Variants in CFH observed in about 807,000 individuals in gnomAD.
CFH encodes the protein H factor 1 (complement).
Under a neutral mutation model 147.3 loss-of-function variants are expected in CFH, and 53 were observed. The ratio of observed to expected loss-of-function variants is 0.36; its 90% CI spans 0.29 to 0.45. The LOEUF is 0.45. Among genes scored for constraint, CFH ranks in the 20% least tolerant of loss-of-function variants. The probability of loss-of-function intolerance (pLI) is 1.00; values close to 1 mark genes in which losing one functional copy is unlikely to be tolerated. For synonymous variants in CFH, 536 were observed against 489.4 expected (o/e 1.10, Z -1.26); for missense variants, 1,380 against 1,498.0 (o/e 0.92, Z 1.30).
At chr1:196,717,951 G>C (rs1668911282) in intron 11 of CFH, among the ~76,000 whole-genome samples, 2 of 152,104 alleles carry the variant, frequency 1.3e-5, no homozygotes, top group African/African-American at 2.4e-5. Flanking sequence ...GATGGATTCT[G>C]TTTTGAAGTA....
intron 9 of CFH, among the ~76,000 whole-genome samples, chr1:196,704,156 CAACCTCTGGCTCACTGA>C (rs1285692793): frequency 1.3e-5 from 2 of 151,974 alleles, no homozygotes; most frequent in Non-Finnish European, 2.9e-5. Flanking sequence ...TGGCTCACTG[CAACCTCTGGCTCACTGA>C]AACCTCCACC....
chr1:196,691,202 A>G (rs1157504624), intron 9 of CFH, among the ~76,000 whole-genome samples: 1 of 152,132 alleles, frequency 6.6e-6, no homozygotes, highest in Non-Finnish European at 1.5e-5. Context: ...AAATAATTAT[A>G]CAATTATAGT....
At chr1:196,671,516 C>A (rs1293854587) in intron 1 of CFH, among the ~76,000 whole-genome samples, 1 of 151,228 alleles carries the variant, frequency 6.6e-6, no homozygotes, top group Non-Finnish European at 1.5e-5. Context: ...GGTTTCTAGT[C>A]TCAAAGATTA....
At chr1:196,653,165 T>C (rs1414793297) in intron 1 of CFH, among the ~76,000 whole-genome samples, 1 of 151,776 alleles carries the variant, frequency 6.6e-6, no homozygotes, top group Non-Finnish European at 1.5e-5. Context: ...GCAGATATAT[T>C]CTTATAGTTA....
At chr1:196,715,497 T>A in intron 10 of CFH, 96 bp from the exon 11 acceptor site, 1 of 961,014 alleles carries the variant, frequency 1.0e-6, no homozygotes, top group South Asian at 1.3e-5. Context: ...TATTAGTAGA[T>A]CTAATCAATA....
Position 196,740,603 on chromosome 1 carries a change from A to C in CFH, c.2783-16A>C. On this transcript the variant is annotated splice_polypyrimidine_tract_variant and intron_variant, in intron 17 of 21. Transcript: ENST00000367429. ...TTATGAGTTAGTGAAACCTGAATTC[A>C]TTCTTTTTTTTTTAGGCCTTCCTTG... The C allele has an allele frequency of 6.2e-7, 1 of 1,611,698 alleles. No homozygotes were observed. Among genetic ancestry groups the C allele is most frequent in the Non-Finnish European group, 8.5e-7 (1 of 1,178,680 alleles).
chr1:196,678,582 C>A (rs1204350884), intron 5 of CFH: 2 of 151,904 alleles, frequency 1.3e-5, no homozygotes, highest in Admixed American at 1.3e-4. Flanking sequence ...TATTTTTATT[C>A]AGCATAGCAA....
chr1:196,708,474 G>A (rs1203180862), intron 9 of CFH, among the ~76,000 whole-genome samples: 1 of 152,052 alleles, frequency 6.6e-6, no homozygotes, highest in Non-Finnish European at 1.5e-5. Flanking sequence ...GCAGACAAAC[G>A]CAGCTAGGAG....
intron 11 of CFH, among the ~76,000 whole-genome samples, chr1:196,721,704 C>T (rs1029148896): frequency 6.6e-6 from 1 of 151,894 alleles, no homozygotes; most frequent in African/African-American, 2.4e-5. Context: ...TTCTACTTAG[C>T]TCTAGTAGCA....
At chr1:196,671,235 T>C (rs1667266204) in intron 1 of CFH, among the ~76,000 whole-genome samples, 1 of 152,298 alleles carries the variant, frequency 6.6e-6, no homozygotes, top group African/African-American at 2.4e-5. Flanking sequence ...AAAATAGCTG[T>C]TATAAAGACC....
intron 11 of CFH, among the ~76,000 whole-genome samples, chr1:196,720,372 A>T (rs1241557623): frequency 6.6e-6 from 1 of 151,894 alleles, no homozygotes; most frequent in Non-Finnish European, 1.5e-5. Context: ...CTTTTAGTGT[A>T]TTCATCACCC....
chr1:196,712,226 C>G (rs1397860933), intron 9 of CFH, among the ~76,000 whole-genome samples: 1 of 151,946 alleles, frequency 6.6e-6, no homozygotes, highest in Non-Finnish European at 1.5e-5. Flanking sequence ...CTCTGTTTTA[C>G]TTGATTATTC....
At chr1:196,746,594 T>A (rs1653012988) in intron 21 of CFH, among the ~76,000 whole-genome samples, 1 of 152,214 alleles carries the variant, frequency 6.6e-6, no homozygotes, top group Non-Finnish European at 1.5e-5. Flanking sequence ...CACAAATTAA[T>A]TAGCACATTC....
chr1:196,712,055 C>T (rs910957793), intron 9 of CFH, among the ~76,000 whole-genome samples: 10 of 152,110 alleles, frequency 6.6e-5, no homozygotes, highest in Non-Finnish European at 1.5e-5. Context: ...TTCTCCTTCT[C>T]CATGCTGCTG....
Position 196,671,123 on chromosome 1 carries a change from G to T in CFH, c.59-1855G>T, listed in dbSNP as rs79782294. On this transcript the variant is annotated intron_variant, in intron 1 of 21. Transcript: ENST00000367429. ...TGACAAGTTGTTATTTCTGATTTTT[G>T]ATCCAATTTTAAGATAGCACATGAT... Among the ~76,000 whole-genome samples, 399 of 151,906 alleles carry T rather than the reference G, an allele frequency of 2.6e-3. 2 individuals are homozygous for T. Among genetic ancestry groups the T allele is most frequent in the East Asian group, 0.013 (67 of 5,164 alleles).
chr1:196,704,813 A>G (rs1258978752), intron 9 of CFH, among the ~76,000 whole-genome samples: 1 of 152,196 alleles, frequency 6.6e-6, no homozygotes, highest in African/African-American at 2.4e-5. Flanking sequence ...TGGTTTGTAC[A>G]GGATTTGAGG....
intron 15 of CFH, among the ~76,000 whole-genome samples, chr1:196,730,210 T>C (rs148883153): frequency 6.6e-6 from 1 of 152,022 alleles, no homozygotes; most frequent in Non-Finnish European, 1.5e-5. Context: ...TTTCTTGATA[T>C]AGGCAATTAT....
At chr1:196,670,282 G>A (rs1033083945) in intron 1 of CFH, among the ~76,000 whole-genome samples, 26 of 152,224 alleles carry the variant, frequency 1.7e-4, no homozygotes, top group African/African-American at 6.0e-4. Context: ...AGACTTGGGG[G>A]GACTGTTGGG....
At chr1:196,740,467 G>T (rs1056934772) in intron 17 of CFH, 152 bp from the exon 18 acceptor site, 2 of 742,780 alleles carry the variant, frequency 2.7e-6, no homozygotes, top group Non-Finnish European at 2.2e-6. Context: ...ACACCAGAAG[G>T]CTAGTTTTAG....
Sources: allele counts gnomAD v4.1 joint callset (sites outside exome capture counted in the v4.1 genomes callset), GRCh38; gene constraint gnomAD v4.1.1; transcripts MANE v1.5; gene names NCBI Gene and HGNC (gene_info 2026-07-23, HGNC 2026-07-21).